RAB14: variants seen among roughly 807,000 people sequenced by gnomAD.
RAB14 encodes ras-related protein Rab-14.
In RAB14, 3 loss-of-function variants were observed where a neutral mutation model predicts 31.1. The ratio of observed to expected loss-of-function variants is 0.10; its 90% CI spans 0.04 to 0.25. The LOEUF is 0.25. RAB14 is among the 10% of genes least tolerant of loss of function. RAB14 has a pLI of 1.00. For missense variants in RAB14, 111 were observed against 260.1 expected, an observed-to-expected ratio of 0.43 and a Z score of 3.94; for synonymous variants, 85 against 84.9, an observed-to-expected ratio of 1.00 and a Z score of 0.00.
chr9:121,195,760 C>G (rs2053711992), intron 1 of RAB14, among the ~76,000 whole-genome samples: 1 of 152,100 alleles, frequency 6.6e-6, no homozygotes, highest in African/African-American at 2.4e-5. Flanking sequence ...CTCAAACTTA[C>G]TAATTTCAGT....
chr9:121,197,819 A>C (rs2053726637), intron 1 of RAB14, among the ~76,000 whole-genome samples: 1 of 152,234 alleles, frequency 6.6e-6, no homozygotes, highest in African/African-American at 2.4e-5. Flanking sequence ...AGTGCATTTA[A>C]TGCACCATTT....
chr9:121,179,650 A>T lies in RAB14; in HGVS notation c.*1746T>A, dbSNP rs1030723357. 1.3e-5 allele frequency: 2 copies of T among 152,670 alleles called. No individual in the cohort carries two copies. Among genetic ancestry groups the T allele is most frequent in the Non-Finnish European group, 1.5e-5 (1 of 68,044 alleles). 9.5% of individuals were successfully genotyped at this position (152,670 alleles called of 1,614,324 possible). On this transcript the variant is annotated 3_prime_UTR_variant, in exon 8 of 8. Transcript: ENST00000373840. ...ATCTACTCCAGAAATCTTATTTTTT[A>T]AAAAGTTAAACAAAGACAAAAATAA... is the stretch of plus-strand genomic sequence containing the variant.
chr9:121,190,840 TATAA>T lies in RAB14; in HGVS notation c.107-113_107-110del, dbSNP rs538769398. On this transcript the variant is annotated intron_variant, in intron 3 of 7. Transcript: ENST00000373840. The stretch of plus-strand genomic sequence containing the variant: ...AAATGGCTTACTAATACTTACAGGC[TATAA>T]ATAGACTAAAGCTACCGCTAAAAAA... 315 of 1,045,884 alleles carry T rather than the reference TATAA, an allele frequency of 3.0e-4. 2 individuals are homozygous for T. In the Middle Eastern group the frequency reaches 5.7e-3, roughly 19 times the overall value. The allele number at this position is 1,045,884 out of a possible 1,614,324, so 64.8% of individuals were successfully genotyped here.
chr9:121,182,790 G>A (rs1434585647), intron 7 of RAB14, 140 bp downstream of exon 7: 5 of 503,918 alleles, frequency 9.9e-6, no homozygotes, highest in African/African-American at 4.0e-5. Flanking sequence ...AGAGATGTTT[G>A]CTGTTCTTCC....
intron 1 of RAB14, among the ~76,000 whole-genome samples, chr9:121,200,599 G>A (rs1009160219): frequency 6.6e-6 from 1 of 152,186 alleles, no homozygotes; most frequent in Admixed American, 6.5e-5. Flanking sequence ...TCATAAAAGG[G>A]TAATCAGCTG....
At chr9:121,183,178 T>C (rs931457389) in intron 6 of RAB14, 133 bp downstream of exon 6, 1 of 814,700 alleles carries the variant, frequency 1.2e-6, no homozygotes, top group Non-Finnish European at 2.0e-6. Flanking sequence ...AAACACATTG[T>C]TACTTCCTCA....
intron 4 of RAB14, among the ~76,000 whole-genome samples, chr9:121,190,065 A>G (rs1430389329): frequency 6.6e-6 from 1 of 152,066 alleles, no homozygotes; most frequent in Non-Finnish European, 1.5e-5. Flanking sequence ...CCATTTTAAG[A>G]GAAAAAAAAA....
chr9:121,191,356 G>C (rs953878980), intron 3 of RAB14, among the ~76,000 whole-genome samples: 2 of 151,924 alleles, frequency 1.3e-5, no homozygotes, highest in African/African-American at 4.8e-5. Context: ...ATATATTTTA[G>C]AGACAGGGTC....
chr9:121,183,519 G>A (rs1440464954), intron 5 of RAB14, 121 bp from the exon 6 acceptor site: 2 of 706,532 alleles, frequency 2.8e-6, no homozygotes, highest in Non-Finnish European at 4.8e-6. Context: ...AGAAAACCAA[G>A]TACTAGCAAT....
chr9:121,186,409 G>A (rs1427262719), intron 5 of RAB14, among the ~76,000 whole-genome samples: 1 of 152,144 alleles, frequency 6.6e-6, no homozygotes, highest in Admixed American at 6.6e-5. Context: ...ATACTGCAGA[G>A]TCTAGCATGG....
chr9:121,196,406 CTATT>C (rs2053717256), intron 1 of RAB14, among the ~76,000 whole-genome samples: 1 of 152,158 alleles, frequency 6.6e-6, no homozygotes, highest in Non-Finnish European at 1.5e-5. Flanking sequence ...TTGTGAGTTA[CTATT>C]TATTGGGTAC....
At chr9:121,195,037 TTAA>T (rs1301670435) in intron 1 of RAB14, among the ~76,000 whole-genome samples, 1 of 152,140 alleles carries the variant, frequency 6.6e-6, no homozygotes, top group Non-Finnish European at 1.5e-5. Flanking sequence ...TCTAGTTAGA[TTAA>T]CTGATTCTGA....
chr9:121,193,479 G>A lies in RAB14; in HGVS notation c.-7-60C>T, dbSNP rs556425885. The stretch of plus-strand genomic sequence containing the variant: ...AAAGCATATACAAGTAATTCAAACG[G>A]ATGACTGATATCCTTTAAAGGTAGA... On this transcript the variant is annotated intron_variant, in intron 1 of 7. Coordinates refer to ENST00000373840, the MANE Select transcript of RAB14 (RefSeq NM_016322.4). The A allele has an allele frequency of 2.3e-4, 242 of 1,054,972 alleles. No homozygotes were observed. In the African/African-American group the frequency reaches 3.7e-3, roughly 16 times the overall value. The allele number at this position is 1,054,972 out of a possible 1,614,324, so 65.4% of individuals were successfully genotyped here. A position where few individuals can be genotyped will look rare whatever the true frequency, so the allele number is the denominator to read the frequency against.
chr9:121,193,247 T>C, intron 2 of RAB14, 114 bp downstream of exon 2: 1 of 692,152 alleles, frequency 1.4e-6, no homozygotes, highest in Non-Finnish European at 2.4e-6. Flanking sequence ...GAGTTTTAGT[T>C]TTACAGTAAG....
rs538852454 is a variant in RAB14 at position 121,193,503 on chromosome 9, G to C, written c.-7-84C>G. On this transcript the variant is annotated intron_variant, in intron 1 of 7. Coordinates refer to ENST00000373840, the MANE Select transcript of RAB14 (RefSeq NM_016322.4). ...GGATGACTGATATCCTTTAAAGGTA[G>C]AAAAGGACACTGAATACAAACAAAT... 1.0e-5 allele frequency: 9 copies of C among 867,908 alleles called. 1 individual carries two copies. In the Admixed American group the frequency reaches 2.4e-4, roughly 24 times the overall value. The allele number at this position is 867,908 out of a possible 1,614,324, so 53.8% of individuals were successfully genotyped here.
intron 3 of RAB14, 124 bp downstream of exon 3, chr9:121,192,047 A>G (rs77375833): frequency 0.044 from 28,052 of 638,774 alleles, 2,250 homozygotes; most frequent in African/African-American, 0.22. Flanking sequence ...CATTTAAAAA[A>G]AGTACAAATA....
chr9:121,196,087 T>C (rs1254061449), intron 1 of RAB14, among the ~76,000 whole-genome samples: 1 of 152,040 alleles, frequency 6.6e-6, no homozygotes, highest in Non-Finnish European at 1.5e-5. Flanking sequence ...TTGCTTTACT[T>C]AGAGAACTCT....
At chr9:121,193,891 C>T (rs73534984) in intron 1 of RAB14, among the ~76,000 whole-genome samples, 1,535 of 152,108 alleles carry the variant, frequency 0.01, 32 homozygotes, top group African/African-American at 0.035. Flanking sequence ...ATAAAGGAAC[C>T]ACTTAATTTA....
In RAB14 at chr9:121,182,836, A is replaced by G. The variant is rs545239771; in HGVS notation, c.470+94T>C. 4.6e-4 allele frequency: 426 copies of G among 925,868 alleles called. 4 individuals carry two copies. The South Asian group carries it at 8.8e-3, about 19-fold the overall frequency. 57.4% of individuals were successfully genotyped at this position (925,868 alleles called of 1,614,324 possible). A position where few individuals can be genotyped will look rare whatever the true frequency, so the allele number is the denominator to read the frequency against. The stretch of plus-strand genomic sequence containing the variant: ...ATTACACATTTATAGATAGTACTTT[A>G]TATGTGTATATACATTATATACTTT... On this transcript the variant is annotated intron_variant, in intron 7 of 7. Coordinates refer to ENST00000373840, the MANE Select transcript of RAB14 (RefSeq NM_016322.4).
Sources: allele counts gnomAD v4.1 joint callset (sites outside exome capture counted in the v4.1 genomes callset), GRCh38; gene constraint gnomAD v4.1.1; transcripts MANE v1.5; gene names NCBI Gene and HGNC (gene_info 2026-07-23, HGNC 2026-07-21).